Variants in NEXMIF observed in about 807,000 individuals in gnomAD.
NEXMIF encodes XLMR protein related to neurite extension.
A neutral mutation model predicts 62.1 loss-of-function variants in NEXMIF; 8 were observed. That is an observed-to-expected ratio of 0.13 (90% CI 0.08 to 0.23). The LOEUF (loss-of-function observed/expected upper bound fraction) is 0.23, where lower values mean the gene tolerates loss of function less well. Among genes scored for constraint, NEXMIF ranks in the 10% least tolerant of loss-of-function variants. The pLI is 1.00. For missense variants in NEXMIF, 976 were observed against 1,113.3 expected, an observed-to-expected ratio of 0.88 and a Z score of 1.75; for synonymous variants, 404 against 416.6, an observed-to-expected ratio of 0.97 and a Z score of 0.37.
chrX:74,876,881 G>A (rs1452022019), intron 1 of NEXMIF, among the ~76,000 whole-genome samples: 1 of 110,015 alleles, frequency 9.1e-6, no homozygotes, highest in Non-Finnish European at 1.9e-5. Context: ...GAGCCTATGT[G>A]TGTCTCTGCA....
intron 1 of NEXMIF, among the ~76,000 whole-genome samples, chrX:74,872,937 TA>T (rs939887360): frequency 1.8e-5 from 2 of 110,799 alleles, no homozygotes; most frequent in Non-Finnish European, 3.8e-5. Flanking sequence ...TTTTATTTTT[TA>T]TTTTTTTAGT....
chrX:74,802,756 C>T (rs755032655), intron 1 of NEXMIF, among the ~76,000 whole-genome samples: 4 of 111,056 alleles, frequency 3.6e-5, no homozygotes, highest in Admixed American at 9.6e-5. Flanking sequence ...AGATATGTGA[C>T]GTTTCACACA....
intron 1 of NEXMIF, among the ~76,000 whole-genome samples, chrX:74,883,481 GAGAATTACGTGA>G (rs201872195): frequency 0.015 from 1,663 of 112,255 alleles, 30 homozygotes; most frequent in African/African-American, 0.051. Context: ...ACCATGGCAT[GAGAATTACGTGA>G]CGAATGCACA....
chrX:74,792,249 G>A (rs1443430396), intron 1 of NEXMIF, among the ~76,000 whole-genome samples: 3 of 111,241 alleles, frequency 2.7e-5, no homozygotes, highest in Admixed American at 9.6e-5. Context: ...AGTCATTCAG[G>A]AGCAGGTTGT....
At chrX:74,775,314 C>T (rs2080225697) in intron 1 of NEXMIF, among the ~76,000 whole-genome samples, 1 of 111,893 alleles carries the variant, frequency 8.9e-6, no homozygotes, top group South Asian at 3.8e-4. Context: ...CTCATCTCCA[C>T]CTATTCCATA....
chrX:74,841,959 G>A (rs140113794), intron 1 of NEXMIF, among the ~76,000 whole-genome samples: 98 of 111,471 alleles, frequency 8.8e-4, no homozygotes, highest in African/African-American at 2.9e-3. Context: ...TTGTGTCTCC[G>A]CCAGGTTTTG....
intron 1 of NEXMIF, among the ~76,000 whole-genome samples, chrX:74,773,999 C>A (rs978671802): frequency 9.2e-6 from 1 of 108,166 alleles, no homozygotes; most frequent in African/African-American, 3.4e-5. Flanking sequence ...TAATTGAGAG[C>A]TGGCATTTAT....
intron 1 of NEXMIF, among the ~76,000 whole-genome samples, chrX:74,816,121 A>G (rs2080375280): frequency 8.9e-6 from 1 of 111,781 alleles, no homozygotes; most frequent in Non-Finnish European, 1.9e-5. Context: ...CATTTCTCAA[A>G]AAGTTTTCTC....
chrX:74,874,274 C>G (rs1179514747), intron 1 of NEXMIF, among the ~76,000 whole-genome samples: 2 of 105,690 alleles, frequency 1.9e-5, no homozygotes, highest in African/African-American at 6.9e-5. Context: ...TCTTGTTTTT[C>G]TCAGGTTTGT....
intron 1 of NEXMIF, among the ~76,000 whole-genome samples, chrX:74,765,450 G>C (rs1174863161): frequency 9.0e-6 from 1 of 111,602 alleles, no homozygotes; most frequent in African/African-American, 3.3e-5. Context: ...CATATGTGCG[G>C]ATTTGATCCT....
chrX:74,863,860 C>T (rs2080567280), intron 1 of NEXMIF, among the ~76,000 whole-genome samples: 1 of 112,264 alleles, frequency 8.9e-6, no homozygotes, highest in African/African-American at 3.2e-5. Context: ...CAAAAATCCT[C>T]AGTAAAATAC....
At chrX:74,759,423 T>C (rs2080169387) in intron 1 of NEXMIF, among the ~76,000 whole-genome samples, 1 of 112,550 alleles carries the variant, frequency 8.9e-6, no homozygotes, top group African/African-American at 3.2e-5. Flanking sequence ...TTGCTTTTGT[T>C]ATGGTTGCTT....
At chrX:74,782,702 C>T (rs753228800) in intron 1 of NEXMIF, among the ~76,000 whole-genome samples, 22 of 112,101 alleles carry the variant, frequency 2.0e-4, no homozygotes, top group Non-Finnish European at 3.6e-4. Context: ...GAATACCCTT[C>T]GCTCTGCATT....
At chrX:74,799,884 G>C (rs1406634044) in intron 1 of NEXMIF, among the ~76,000 whole-genome samples, 1 of 111,253 alleles carries the variant, frequency 9.0e-6, no homozygotes, top group Non-Finnish European at 1.9e-5. Flanking sequence ...TAACAAGAGA[G>C]GCCCAAAATA....
chrX:74,922,041 CCTT>C (rs751739943), intron 1 of NEXMIF, among the ~76,000 whole-genome samples: 2 of 111,942 alleles, frequency 1.8e-5, no homozygotes, highest in East Asian at 5.6e-4. Flanking sequence ...ATAGGCCAGT[CCTT>C]CTCCTATGCA....
intron 1 of NEXMIF, among the ~76,000 whole-genome samples, chrX:74,887,261 C>T (rs1446790553): frequency 9.0e-6 from 1 of 111,366 alleles, no homozygotes; most frequent in African/African-American, 3.3e-5. Flanking sequence ...ATGTCGAAAA[C>T]ACCAAAAGCA....
intron 1 of NEXMIF, among the ~76,000 whole-genome samples, chrX:74,753,415 C>G (rs2080149803): frequency 9.0e-6 from 1 of 111,395 alleles, no homozygotes; most frequent in South Asian, 3.8e-4. Flanking sequence ...ATGTTGCCTT[C>G]TAGTCCAGAA....
intron 1 of NEXMIF, among the ~76,000 whole-genome samples, chrX:74,874,756 T>C (rs1264035418): frequency 1.1e-5 from 1 of 93,270 alleles, no homozygotes; most frequent in African/African-American, 4.1e-5. Flanking sequence ...TTTGAAGCAA[T>C]TGTGAATGGG....
intron 1 of NEXMIF, among the ~76,000 whole-genome samples, chrX:74,853,648 T>C (rs1602251573): frequency 1.8e-5 from 2 of 111,026 alleles, no homozygotes; most frequent in Middle Eastern, 9.4e-3. Context: ...GTTTTCACCC[T>C]TTCTAGCTGC....
Sources: allele counts gnomAD v4.1 joint callset (sites outside exome capture counted in the v4.1 genomes callset), GRCh38; gene constraint gnomAD v4.1.1; transcripts MANE v1.5; gene names NCBI Gene and HGNC (gene_info 2026-07-23, HGNC 2026-07-21).